Variants in ERCC5 observed in about 807,000 individuals in gnomAD.
ERCC5 encodes DNA excision repair protein ERCC-5.
A neutral mutation model predicts 105.6 loss-of-function variants in ERCC5; 68 were observed. That is an observed-to-expected ratio of 0.64 (90% CI 0.53 to 0.79). The LOEUF (loss-of-function observed/expected upper bound fraction) is 0.79, where lower values mean the gene tolerates loss of function less well. Ranked by LOEUF, ERCC5 falls within the 30% of genes least tolerant of loss-of-function variation. ERCC5 has a pLI of 0.00. For synonymous variants in ERCC5, 546 were observed against 526.2 expected, an observed-to-expected ratio of 1.04 and a Z score of -0.51; for missense variants, 1,373 against 1,426.7, an observed-to-expected ratio of 0.96 and a Z score of 0.61.
chr13:102,868,527 CATACTT>C (rs1326448195), intron 12 of ERCC5, among the ~76,000 whole-genome samples: 1 of 152,230 alleles, frequency 6.6e-6, no homozygotes, highest in African/African-American at 2.4e-5. Flanking sequence ...CATCCATTGA[CATACTT>C]ATAGAGCAGC....
chr13:102,853,698 G>A, intron 2 of ERCC5, 59 bp from the exon 3 acceptor site: 4 of 1,525,868 alleles, frequency 2.6e-6, no homozygotes, highest in Middle Eastern at 3.4e-4. Context: ...ATAAATCACA[G>A]CAATGTTTCT....
chr13:102,853,828 A>G lies in ERCC5; in HGVS notation c.336A>G (p.Thr112=), dbSNP rs1882294256. ...AAACGACAGAGAAGCTTCTGAAAAC[A>G]TTTTTGAAAAGACAAGCCATCAAAA... is the stretch of plus-strand genomic sequence containing the variant. ...SRKTTEKLLK[T]FLKRQAIKTA... is the part of the protein sequence containing the mutation. Residue 112 remains threonine, a synonymous_variant, in exon 3 of 15, where the codon ACA becomes ACG. Transcript: ENST00000652225. The G allele has an allele frequency of 1.9e-6, 3 of 1,614,126 alleles. No homozygotes were observed. Among genetic ancestry groups the G allele is most frequent in the Non-Finnish European group, 2.5e-6 (3 of 1,180,052 alleles).
chr13:102,852,156 C>T lies in ERCC5; in HGVS notation c.127C>T (p.Arg43Trp), dbSNP rs750156480. Residue 43 changes from arginine (R) to tryptophan (W), a missense_variant, in exon 2 of 15, where the codon CGG becomes TGG. By Grantham distance (101) the Arg-to-Trp change is moderately radical. Transcript: ENST00000652225. The part of the protein sequence containing the change: ...IWLNQALKGV[R>W]DRHGNSIENP... ...GTTAAACCAAGCACTTAAAGGAGTC[C>T]GGGATCGCCATGGGAACTCAATAGA... 1.2e-5 allele frequency: 20 copies of T among 1,614,030 alleles called. No individual in the cohort carries two copies. The highest frequency in any genetic ancestry group is 1.7e-4 in the Middle Eastern group (1 of 6,060).
At position 102,865,130 on chromosome 13, in the gene ERCC5, C is replaced by G; in HGVS notation, c.1955-537C>G. 5.7e-6 allele frequency: 1 copy of G among 174,330 alleles called. No homozygotes were observed. The highest frequency in any genetic ancestry group is 1.2e-5 in the Non-Finnish European group (1 of 81,650). The allele number at this position is 174,330 out of a possible 1,614,324, so 10.8% of individuals were successfully genotyped here. On this transcript the variant is annotated intron_variant, in intron 8 of 14. Transcript: ENST00000652225. This position sits in a 1 kb window ranked among gnomAD's most constrained non-coding sequence, Gnocchi z 4.0. ...TCTGTTCTGATTGTCTCCTTAAACC[C>G]AGCTGGACAGGCCTTGCCAGCCCTC... is the stretch of plus-strand genomic sequence containing the variant.
Position 102,846,157 on chromosome 13 carries a change from G to A in ERCC5, c.-110G>A. 1.2e-6 allele frequency: 1 copy of A among 830,338 alleles called. No homozygotes were observed. The highest frequency in any genetic ancestry group is 1.7e-5 in the African/African-American group (1 of 59,164). 51.4% of individuals were successfully genotyped at this position (830,338 alleles called of 1,614,324 possible). A position where few individuals can be genotyped will look rare whatever the true frequency, so the allele number is the denominator to read the frequency against. Reference sequence around the variant, plus strand: ...TTCTGTATTATTTGCCATCTTTGTTGTGTAGGAGCAGGGAGGGCTTCCTCC... The same window carrying A: ...TTCTGTATTATTTGCCATCTTTGTTATGTAGGAGCAGGGAGGGCTTCCTCC... On this transcript the variant is annotated 5_prime_UTR_variant, in exon 1 of 15. It adds an upstream start codon to the 5' untranslated region. Coordinates refer to ENST00000652225, the MANE Select transcript of ERCC5 (RefSeq NM_000123.4).
intron 7 of ERCC5, 81 bp downstream of exon 7, chr13:102,861,795 CT>C: frequency 8.5e-6 from 13 of 1,521,042 alleles, no homozygotes; most frequent in Non-Finnish European, 1.2e-5. Flanking sequence ...ACTAGCACCC[CT>C]GGATAATATT....
Position 102,846,144 on chromosome 13 carries a change from T to G in ERCC5, c.-123T>G, listed in dbSNP as rs1881947706. On this transcript the variant is annotated 5_prime_UTR_variant, in exon 1 of 15. Coordinates refer to ENST00000652225, the MANE Select transcript of ERCC5 (RefSeq NM_000123.4). ...GGAAAACCGTGGCTTCTGTATTATT[T>G]GCCATCTTTGTTGTGTAGGAGCAGG... The G allele has an allele frequency of 1.3e-6, 1 of 744,050 alleles. No individual in the cohort carries two copies. Among genetic ancestry groups the G allele is most frequent in the Non-Finnish European group, 2.3e-6 (1 of 437,932 alleles). 46.1% of individuals were successfully genotyped at this position (744,050 alleles called of 1,614,324 possible). A position where few individuals can be genotyped will look rare whatever the true frequency, so the allele number is the denominator to read the frequency against.
At position 102,865,548 on chromosome 13, in the gene ERCC5, T is replaced by G. The variant is rs1317784923; in HGVS notation, c.1955-119T>G. 4 of 1,358,614 alleles carry G rather than the reference T, an allele frequency of 2.9e-6. No homozygotes were observed. Among genetic ancestry groups the G allele is most frequent in the Non-Finnish European group, 4.1e-6 (4 of 981,538 alleles). The allele number at this position is 1,358,614 out of a possible 1,614,324, so 84.2% of individuals were successfully genotyped here. ...TACTATTACATGTATTCTGTTATAG[T>G]CATATCTTTCCTTTTTAGGATGTAG... On this transcript the variant is annotated intron_variant, in intron 8 of 14. Coordinates refer to ENST00000652225, the MANE Select transcript of ERCC5 (RefSeq NM_000123.4). The surrounding 1 kb of genome is among the most constrained non-coding windows in gnomAD (Gnocchi z 4.0).
At chr13:102,864,033 CAT>C (rs1441794984) in intron 8 of ERCC5, among the ~76,000 whole-genome samples, 6 of 151,506 alleles carry the variant, frequency 4.0e-5, no homozygotes, top group African/African-American at 1.5e-4. Flanking sequence ...TGTATATGCA[CAT>C]AGATATGTTT....
intron 2 of ERCC5, 22 bp downstream of exon 2, chr13:102,852,315 G>C: frequency 6.2e-7 from 1 of 1,611,556 alleles, no homozygotes; most frequent in East Asian, 2.2e-5. Flanking sequence ...ATAGTTTTTA[G>C]TAAGTGTCAA....
chr13:102,865,017 C>G lies in ERCC5; in HGVS notation c.1955-650C>G, dbSNP rs894176890. 6.5e-6 allele frequency: 1 copy of G among 154,018 alleles called. No individual in the cohort carries two copies. The highest frequency in any genetic ancestry group is 2.4e-5 in the African/African-American group (1 of 41,444). The allele number at this position is 154,018 out of a possible 1,614,324, so 9.5% of individuals were successfully genotyped here. A position where few individuals can be genotyped will look rare whatever the true frequency, so the allele number is the denominator to read the frequency against. On this transcript the variant is annotated intron_variant, in intron 8 of 14. Transcript: ENST00000652225. This position sits in a 1 kb window ranked among gnomAD's most constrained non-coding sequence, Gnocchi z 4.0. ...TCCCTGGATATGTAACCATCTCCCCCTCCCACTGGCCTCCTCCTTGGCCCT... is the reference window on the plus strand; with the variant it reads ...TCCCTGGATATGTAACCATCTCCCCGTCCCACTGGCCTCCTCCTTGGCCCT...
At chr13:102,859,393 C>G (rs928802505) in intron 6 of ERCC5, among the ~76,000 whole-genome samples, 1 of 152,162 alleles carries the variant, frequency 6.6e-6, no homozygotes, top group African/African-American at 2.4e-5. Context: ...TGTGCAGTAG[C>G]ACACACTAAG....
intron 1 of ERCC5, among the ~76,000 whole-genome samples, chr13:102,850,852 G>T (rs1413500698): frequency 6.6e-6 from 1 of 152,148 alleles, no homozygotes; most frequent in South Asian, 2.1e-4. Context: ...AGTGGAGGTT[G>T]ATAGTTCAGA....
rs2140539072 is a variant in ERCC5, at chr13:102,872,416, A to G, written c.2879+18A>G. On this transcript the variant is annotated intron_variant, in intron 13 of 14. Coordinates refer to ENST00000652225, the MANE Select transcript of ERCC5 (RefSeq NM_000123.4). ...ATTAGAGAATATCCTTTGCTTCTTA[A>G]AAGAGAAGGAAACACCTTGTCAAAT... 6.2e-7 allele frequency: 1 copy of G among 1,613,458 alleles called. No individual in the cohort carries two copies. Among genetic ancestry groups the G allele is most frequent in the Non-Finnish European group, 8.5e-7 (1 of 1,179,658 alleles).
chr13:102,872,867 C>T (rs1229283107), intron 13 of ERCC5, among the ~76,000 whole-genome samples: 1 of 152,150 alleles, frequency 6.6e-6, no homozygotes, highest in South Asian at 2.1e-4. Flanking sequence ...TTGTCCTTTC[C>T]GTGTATATTT....
chr13:102,854,253 T>C, intron 3 of ERCC5, 35 bp from the exon 4 acceptor site: 1 of 1,610,006 alleles, frequency 6.2e-7, no homozygotes, highest in Non-Finnish European at 8.5e-7. Context: ...GAGCAGGGTC[T>C]GCATAATCTG....
intron 13 of ERCC5, 122 bp from the exon 14 acceptor site, chr13:102,873,130 CTAATCTT>C: frequency 9.2e-7 from 1 of 1,085,200 alleles, no homozygotes; most frequent in Non-Finnish European, 1.4e-6. Flanking sequence ...TTTTAGCACT[CTAATCTT>C]TATAAATAGG....
rs1457735197 is a variant in ERCC5 at position 102,858,875 on chromosome 13, C to T, written c.672+457C>T. The T allele has an allele frequency of 3.3e-5, 15 of 455,836 alleles. No homozygotes were observed. In the East Asian group the frequency reaches 1.0e-3, roughly 32 times the overall value. 28.2% of individuals were successfully genotyped at this position (455,836 alleles called of 1,614,324 possible). A position where few individuals can be genotyped will look rare whatever the true frequency, so the allele number is the denominator to read the frequency against. On this transcript the variant is annotated intron_variant, in intron 6 of 14. Coordinates refer to ENST00000652225, the MANE Select transcript of ERCC5 (RefSeq NM_000123.4). ...AACTAATAGTCATATAGAATCTAAT[C>T]ACAATGGAAAAATAAGTTCTAAATT...
In ERCC5 at chr13:102,862,700, G is replaced by A. The variant is rs1255338424; in HGVS notation, c.1551G>A (p.Pro517=). ...VVRHSDAPGL[P]NGRELTPASP... The stretch of plus-strand genomic sequence containing the variant: ...GACATAGTGACGCACCTGGGCTCCC[G>A]AATGGAAGGGAACTGACACCGGCAT... Residue 517 remains proline (P), a synonymous_variant, in exon 8 of 15, where the codon CCG becomes CCA. Transcript: ENST00000652225. The A allele has an allele frequency of 4.3e-6, 7 of 1,614,032 alleles. No homozygotes were observed. Among genetic ancestry groups the A allele is most frequent in the African/African-American group, 4.0e-5 (3 of 74,898 alleles).
Sources: allele counts gnomAD v4.1 joint callset (sites outside exome capture counted in the v4.1 genomes callset), GRCh38; gene constraint gnomAD v4.1.1; non-coding constraint Gnocchi (gnomAD v3.1); transcripts MANE v1.5; gene names NCBI Gene and HGNC (gene_info 2026-07-23, HGNC 2026-07-21).